The following KCNH1 variants were observed in gnomAD, a reference collection of about 807,000 sequenced individuals.
The protein encoded by KCNH1 is voltage-gated delayed rectifier potassium channel KCNH1.
Under a neutral mutation model 69.2 loss-of-function variants are expected in KCNH1, and 27 were observed. That is an observed-to-expected ratio of 0.39 (90% CI 0.29 to 0.54). KCNH1 has a LOEUF of 0.54. Ranked by LOEUF, KCNH1 falls within the 20% of genes least tolerant of loss-of-function variation. KCNH1 has a pLI of 0.68. For synonymous variants in KCNH1, 456 were observed against 487.7 expected (o/e 0.93, Z 0.86); for missense variants, 798 against 1,261.6 (o/e 0.63, Z 5.57).
At chr1:210,876,058 G>A (rs115885913) in intron 7 of KCNH1, among the ~76,000 whole-genome samples, 1,884 of 152,128 alleles carry the variant, frequency 0.012, 29 homozygotes, top group African/African-American at 0.032. Flanking sequence ...TAATTCTTCC[G>A]AAATTGTGTT....
intron 5 of KCNH1, among the ~76,000 whole-genome samples, chr1:211,021,353 C>T (rs527692053): frequency 3.7e-4 from 56 of 152,264 alleles, no homozygotes; most frequent in African/African-American, 1.3e-3. Flanking sequence ...GATAAACCCA[C>T]AGCTCACATC....
intron 5 of KCNH1, among the ~76,000 whole-genome samples, chr1:211,029,266 G>A (rs1022407144): frequency 1.4e-5 from 2 of 139,400 alleles, no homozygotes; most frequent in South Asian, 2.4e-4. Context: ...CCAGGAGTTC[G>A]AGGCTGCAGT....
Position 211,000,843 on chromosome 1 carries a change from C to T in KCNH1, c.1032+17940G>A, listed in dbSNP as rs545294020. Reference sequence around the variant, plus strand: ...TAGATCAATGGAACAGAACAGAGCCCTCAGAAATAATACCACAAATCTACA... The same window carrying T: ...TAGATCAATGGAACAGAACAGAGCCTTCAGAAATAATACCACAAATCTACA... On this transcript the variant is annotated intron_variant, in intron 6 of 10. Transcript: ENST00000271751. Among the ~76,000 whole-genome samples, 13 of 152,216 alleles carry T rather than the reference C, an allele frequency of 8.5e-5. 1 individual carries two copies. In the South Asian group the frequency reaches 2.3e-3, roughly 27 times the overall value.
chr1:210,854,770 G>A (rs1489425631), intron 7 of KCNH1, among the ~76,000 whole-genome samples: 1 of 152,186 alleles, frequency 6.6e-6, no homozygotes, highest in Non-Finnish European at 1.5e-5. Flanking sequence ...CCTATAGGCT[G>A]AGAACTAAAA....
At chr1:210,868,890 T>C (rs763355542) in intron 7 of KCNH1, among the ~76,000 whole-genome samples, 4 of 152,172 alleles carry the variant, frequency 2.6e-5, no homozygotes, top group Admixed American at 6.6e-5. Context: ...CCTTCATTTG[T>C]ATAGATCTAA....
At chr1:210,752,517 C>T (rs535162847) in intron 10 of KCNH1, among the ~76,000 whole-genome samples, 1 of 152,298 alleles carries the variant, frequency 6.6e-6, no homozygotes, top group Admixed American at 6.5e-5. Context: ...TAACCAAATA[C>T]TTGGACCTTC....
At chr1:210,855,239 T>TAC (rs771649828) in intron 7 of KCNH1, among the ~76,000 whole-genome samples, 3 of 152,182 alleles carry the variant, frequency 2.0e-5, no homozygotes, top group Non-Finnish European at 4.4e-5. Flanking sequence ...GAGAGAGGGA[T>TAC]ACTGCAGAAG....
At chr1:210,729,966 C>T (rs1682704621) in intron 10 of KCNH1, among the ~76,000 whole-genome samples, 1 of 152,126 alleles carries the variant, frequency 6.6e-6, no homozygotes, top group South Asian at 2.1e-4. Context: ...AGAAACCACC[C>T]AGGGCTGATG....
At chr1:210,971,988 G>C (rs1369310232) in intron 6 of KCNH1, among the ~76,000 whole-genome samples, 1 of 152,074 alleles carries the variant, frequency 6.6e-6, no homozygotes, top group Non-Finnish European at 1.5e-5. Flanking sequence ...CAGGGGTCAA[G>C]GGAAGGTGCA....
At chr1:210,723,161 C>T (rs976904202) in intron 10 of KCNH1, among the ~76,000 whole-genome samples, 4 of 152,128 alleles carry the variant, frequency 2.6e-5, no homozygotes, top group Non-Finnish European at 5.9e-5. Flanking sequence ...CACCCATAGC[C>T]AGTGTCTCTC....
chr1:211,095,988 T>C (rs372495762), intron 3 of KCNH1, among the ~76,000 whole-genome samples: 11 of 152,214 alleles, frequency 7.2e-5, no homozygotes, highest in African/African-American at 2.6e-4. Flanking sequence ...GATAACAGAG[T>C]TACTTAAAAT....
chr1:210,985,680 G>A (rs1056299853), intron 6 of KCNH1, among the ~76,000 whole-genome samples: 1 of 152,164 alleles, frequency 6.6e-6, no homozygotes, highest in African/African-American at 2.4e-5. Context: ...TTTTACATTT[G>A]CTGAGGAGTG....
chr1:210,986,583 C>T (rs1278467934), intron 6 of KCNH1, among the ~76,000 whole-genome samples: 2 of 152,134 alleles, frequency 1.3e-5, no homozygotes, highest in African/African-American at 2.4e-5. Context: ...GTTGAAAATT[C>T]TTTTCTTTAA....
intron 6 of KCNH1, among the ~76,000 whole-genome samples, chr1:211,008,725 C>A (rs1420452577): frequency 6.6e-6 from 1 of 152,176 alleles, no homozygotes; most frequent in Non-Finnish European, 1.5e-5. Flanking sequence ...ATGTTTTGAT[C>A]TAAGTAGTGG....
At chr1:210,741,745 A>T (rs943871805) in intron 10 of KCNH1, among the ~76,000 whole-genome samples, 1 of 152,196 alleles carries the variant, frequency 6.6e-6, no homozygotes, top group African/African-American at 2.4e-5. Flanking sequence ...GCCCTGTCTC[A>T]GGTACCAAGC....
intron 5 of KCNH1, among the ~76,000 whole-genome samples, chr1:211,030,097 A>G (rs892726616): frequency 2.6e-5 from 4 of 152,236 alleles, no homozygotes; most frequent in African/African-American, 9.6e-5. Flanking sequence ...TCGTTATACA[A>G]GTTTAGCACA....
intron 7 of KCNH1, among the ~76,000 whole-genome samples, chr1:210,848,428 A>C (rs1291646979): frequency 6.6e-6 from 1 of 152,198 alleles, no homozygotes; most frequent in Non-Finnish European, 1.5e-5. Context: ...TCAAGACTCA[A>C]TAGTCCATGT....
chr1:211,121,608 G>T (rs1197086645), intron 1 of KCNH1, among the ~76,000 whole-genome samples: 1 of 152,142 alleles, frequency 6.6e-6, no homozygotes, highest in Non-Finnish European at 1.5e-5. Context: ...TACCATTCAG[G>T]ACATGGGCAT....
chr1:211,014,942 G>T (rs1038648069), intron 6 of KCNH1, among the ~76,000 whole-genome samples: 1 of 152,166 alleles, frequency 6.6e-6, no homozygotes, highest in African/African-American at 2.4e-5. Context: ...CAACCCAGGG[G>T]GTTTTCCCTC....
Sources: gnomAD v4.1 joint callset for allele counts (sites outside exome capture counted in the v4.1 genomes callset) on GRCh38, gnomAD v4.1.1 for gene constraint, MANE v1.5 for transcripts, NCBI Gene and HGNC (gene_info 2026-07-23, HGNC 2026-07-21) for gene names.